PDZD8: variants seen among roughly 807,000 people sequenced by gnomAD.
PDZD8 encodes the protein PDZ domain containing 8.
In PDZD8, 14 loss-of-function variants were observed where a neutral mutation model predicts 85.8. That is an observed-to-expected ratio of 0.16 (90% CI 0.11 to 0.26). The LOEUF (loss-of-function observed/expected upper bound fraction) is 0.26. Ranked by LOEUF, PDZD8 falls within the 10% of genes least tolerant of loss-of-function variation. PDZD8 has a pLI of 1.00. For synonymous variants in PDZD8, 592 were observed against 568.6 expected, an observed-to-expected ratio of 1.04 and a Z score of -0.59; for missense variants, 1,197 against 1,424.3, an observed-to-expected ratio of 0.84 and a Z score of 2.57.
intron 1 of PDZD8, among the ~76,000 whole-genome samples, chr10:117,346,111 T>A (rs954253983): frequency 6.6e-6 from 1 of 151,256 alleles, no homozygotes; most frequent in African/African-American, 2.4e-5. Flanking sequence ...CGTGGTGGCA[T>A]GCACCTGTAA....
At chr10:117,325,404 C>CTTTTTTTTTTTTTTTTTTTTTT (rs71013659) in intron 2 of PDZD8, among the ~76,000 whole-genome samples, 1 of 99,824 alleles carries the variant, frequency 1.0e-5, no homozygotes, top group African/African-American at 3.7e-5. Flanking sequence ...GAAAAGCCAA[C>CTTTTTTTTTTTTTTTTTTTTTT]TTTTTTTTTT....
chr10:117,360,368 C>A (rs10787769), intron 1 of PDZD8, among the ~76,000 whole-genome samples: 15,949 of 152,100 alleles, frequency 0.1, 1,127 homozygotes, highest in East Asian at 0.34. Context: ...GGCCTATGAT[C>A]AATTAAATCA....
At chr10:117,291,870 C>A (rs1452649479) in intron 3 of PDZD8, among the ~76,000 whole-genome samples, 3 of 128,420 alleles carry the variant, frequency 2.3e-5, no homozygotes, top group African/African-American at 8.4e-5. Context: ...AAAAAAAAAA[C>A]AGGCAGAGTG....
At chr10:117,360,837 AAAAT>A (rs1844984609) in intron 1 of PDZD8, among the ~76,000 whole-genome samples, 1 of 151,974 alleles carries the variant, frequency 6.6e-6, no homozygotes, top group African/African-American at 2.4e-5. Flanking sequence ...ACATATGGTA[AAAAT>A]AAATAAACTT....
chr10:117,279,220 AAG>A lies in PDZD8; in HGVS notation c.*4046_*4047del, dbSNP rs1589990122. The A allele has an allele frequency of 6.6e-6, 1 of 152,216 alleles. No individual in the cohort carries two copies. The highest frequency in any genetic ancestry group is 1.9e-4 in the East Asian group (1 of 5,202). 9.4% of individuals were successfully genotyped at this position (152,216 alleles called of 1,614,324 possible). The stretch of plus-strand genomic sequence containing the variant: ...AATATTCTTGGTTAGCAAGACTGGA[AAG>A]AGGTGTTTTTTTAAAATGTACATAC... On this transcript the variant is annotated 3_prime_UTR_variant, in exon 5 of 5. Coordinates refer to ENST00000334464, the MANE Select transcript of PDZD8 (RefSeq NM_173791.5).
At chr10:117,323,486 C>T (rs1276456040) in intron 2 of PDZD8, among the ~76,000 whole-genome samples, 2 of 152,080 alleles carry the variant, frequency 1.3e-5, no homozygotes, top group Non-Finnish European at 2.9e-5. Context: ...CCAAAATGAT[C>T]CCCCAGTAAC....
chr10:117,329,516 T>G (rs867250614), intron 2 of PDZD8, among the ~76,000 whole-genome samples: 1 of 152,108 alleles, frequency 6.6e-6, no homozygotes, highest in East Asian at 1.9e-4. Flanking sequence ...CGTTGAGCAG[T>G]AGGATATAAA....
rs1169964165 is a variant in PDZD8, at chr10:117,277,581, A to AT, written c.*5686dup. On this transcript the variant is annotated 3_prime_UTR_variant, in exon 5 of 5. Transcript: ENST00000334464. ...AATATTTGAATCCAAACCAAATATA[A>AT]TTTTTTAACTTACATTAACAAACAT... 6.1e-6 allele frequency: 1 copy of AT among 163,438 alleles called. No individual in the cohort carries two copies. The highest frequency in any genetic ancestry group is 2.0e-4 in the South Asian group (1 of 4,998). The allele number at this position is 163,438 out of a possible 1,614,324, so 10.1% of individuals were successfully genotyped here. A position where few individuals can be genotyped will look rare whatever the true frequency, so the allele number is the denominator to read the frequency against.
At chr10:117,300,543 TA>T (rs776686873) in intron 3 of PDZD8, among the ~76,000 whole-genome samples, 1 of 152,164 alleles carries the variant, frequency 6.6e-6, no homozygotes, top group Non-Finnish European at 1.5e-5. Context: ...CATGAGAATA[TA>T]AAAAAGCTCC....
At chr10:117,294,666 T>C (rs1843726267) in intron 3 of PDZD8, among the ~76,000 whole-genome samples, 1 of 152,144 alleles carries the variant, frequency 6.6e-6, no homozygotes, top group African/African-American at 2.4e-5. Flanking sequence ...TGGAATACTA[T>C]TCAGCCACAA....
At position 117,280,477 on chromosome 10, in the gene PDZD8, T is replaced by A. The variant is rs1844561162; in HGVS notation, c.*2791A>T. Reference sequence around the variant, plus strand: ...CAATCACCTTTTTTAAAGATTTCATTAAATGAAGATATTCTTGTTTTCTGT... The same window carrying A: ...CAATCACCTTTTTTAAAGATTTCATAAAATGAAGATATTCTTGTTTTCTGT... On this transcript the variant is annotated 3_prime_UTR_variant, in exon 5 of 5. Transcript: ENST00000334464. 7 of 152,320 alleles carry A rather than the reference T, an allele frequency of 4.6e-5. No individual in the cohort carries two copies. The South Asian group carries it at 1.2e-3, about 27-fold the overall frequency. The allele number at this position is 152,320 out of a possible 1,614,324, so 9.4% of individuals were successfully genotyped here.
chr10:117,319,011 C>A (rs781773987), intron 2 of PDZD8, 37 bp from the exon 3 acceptor site: 2 of 1,343,134 alleles, frequency 1.5e-6, no homozygotes, highest in Non-Finnish European at 2.1e-6. Flanking sequence ...AGTATCATAC[C>A]TGTTATATTC....
At position 117,277,712 on chromosome 10, in the gene PDZD8, CAAGT is replaced by C. The variant is rs569806760; in HGVS notation, c.*5552_*5555del. Reference sequence around the variant, plus strand: ...TAGAATGAAGTCTGAAAAACAGAATCAAGTAAGACAGCATGTTATATAGTGACAC... The same window carrying C: ...TAGAATGAAGTCTGAAAAACAGAATCAAGACAGCATGTTATATAGTGACAC... On this transcript the variant is annotated 3_prime_UTR_variant, in exon 5 of 5. Transcript: ENST00000334464. 8.6e-4 allele frequency: 132 copies of C among 152,738 alleles called. No individual in the cohort carries two copies. The highest frequency in any genetic ancestry group is 1.6e-3 in the Non-Finnish European group (110 of 68,390). 9.5% of individuals were successfully genotyped at this position (152,738 alleles called of 1,614,324 possible).
Position 117,279,046 on chromosome 10 carries a change from T to C in PDZD8, c.*4222A>G. 1 of 152,382 alleles carries C rather than the reference T, an allele frequency of 6.6e-6. No individual in the cohort carries two copies. Among genetic ancestry groups the C allele is most frequent in the African/African-American group, 2.4e-5 (1 of 41,600 alleles). 9.4% of individuals were successfully genotyped at this position (152,382 alleles called of 1,614,324 possible). ...AATTTTATTTTTGCCTTTACGGCTC[T>C]GTGTCTTTCTGCAAGAAGGCCTGGC... On this transcript the variant is annotated 3_prime_UTR_variant, in exon 5 of 5. Transcript: ENST00000334464.
At chr10:117,323,039 T>C (rs1266961662) in intron 2 of PDZD8, among the ~76,000 whole-genome samples, 1 of 152,284 alleles carries the variant, frequency 6.6e-6, no homozygotes, top group African/African-American at 2.4e-5. Flanking sequence ...TTCACATGTA[T>C]GAGTATTAAG....
chr10:117,308,646 G>C (rs1245100457), intron 3 of PDZD8, among the ~76,000 whole-genome samples: 1 of 152,020 alleles, frequency 6.6e-6, no homozygotes, highest in Non-Finnish European at 1.5e-5. Flanking sequence ...CAGGCCTATA[G>C]GACACCATTT....
intron 3 of PDZD8, among the ~76,000 whole-genome samples, chr10:117,311,328 T>C (rs980261300): frequency 5.3e-5 from 8 of 152,114 alleles, no homozygotes; most frequent in Admixed American, 2.6e-4. Context: ...ACATCAGGAA[T>C]AGCCTTGAAG....
chr10:117,293,058 C>G (rs1373582642), intron 3 of PDZD8, among the ~76,000 whole-genome samples: 1 of 151,874 alleles, frequency 6.6e-6, no homozygotes, highest in African/African-American at 2.4e-5. Context: ...TATAAAAACA[C>G]CTCTTAATTA....
intron 3 of PDZD8, among the ~76,000 whole-genome samples, chr10:117,311,921 A>G (rs867744600): frequency 2.0e-5 from 3 of 151,812 alleles, no homozygotes; most frequent in Non-Finnish European, 4.4e-5. Flanking sequence ...TCCTGTCAGA[A>G]GCATGGTGCC....
Sources: gnomAD v4.1 joint callset for allele counts (sites outside exome capture counted in the v4.1 genomes callset) on GRCh38, gnomAD v4.1.1 for gene constraint, MANE v1.5 for transcripts, NCBI Gene and HGNC (gene_info 2026-07-23, HGNC 2026-07-21) for gene names.